RARB: variants seen among roughly 807,000 people sequenced by gnomAD.
The protein encoded by RARB is HBV-activated protein.
In RARB, 17 loss-of-function variants were observed where a neutral mutation model predicts 51.9. That is an observed-to-expected ratio of 0.33 (90% CI 0.22 to 0.49). The LOEUF (loss-of-function observed/expected upper bound fraction) is 0.49, where lower values mean the gene tolerates loss of function less well. RARB is among the 20% of genes least tolerant of loss of function. The pLI is 0.99. For missense variants in RARB, 369 were observed against 550.8 expected (o/e 0.67, Z 3.30); for synonymous variants, 215 against 195.4 (o/e 1.10, Z -0.84).
At chr3:25,139,181 T>G (rs1324013019) in intron 4 of RARB, among the ~76,000 whole-genome samples, 1 of 152,118 alleles carries the variant, frequency 6.6e-6, no homozygotes, top group Admixed American at 6.6e-5. Flanking sequence ...GGCTGATTAA[T>G]AACCCTACAA....
At chr3:25,236,908 A>AC (rs1702314391) in intron 5 of RARB, among the ~76,000 whole-genome samples, 1 of 134,792 alleles carries the variant, frequency 7.4e-6, no homozygotes, top group Non-Finnish European at 1.6e-5. Context: ...TTTATTTTAA[A>AC]CCCCGGAAAT....
intron 4 of RARB, among the ~76,000 whole-genome samples, chr3:25,571,598 A>G (rs1700714654): frequency 6.6e-6 from 1 of 152,196 alleles, no homozygotes; most frequent in Non-Finnish European, 1.5e-5. Flanking sequence ...ACTGTAAGGG[A>G]GCTTTCATTT....
intron 4 of RARB, among the ~76,000 whole-genome samples, chr3:25,136,018 C>T (rs1240875864): frequency 6.6e-6 from 1 of 151,974 alleles, no homozygotes; most frequent in Non-Finnish European, 1.5e-5. Context: ...AAGCAACATT[C>T]ACATGTTGAA....
intron 2 of RARB, among the ~76,000 whole-genome samples, chr3:24,995,182 T>A (rs1360694113): frequency 2.7e-5 from 4 of 147,300 alleles, no homozygotes; most frequent in Non-Finnish European, 5.9e-5. Flanking sequence ...TGTTTTGTAG[T>A]TTTTTAAGTA....
intron 5 of RARB, among the ~76,000 whole-genome samples, chr3:25,206,362 C>G (rs1701545962): frequency 1.3e-5 from 2 of 152,144 alleles, no homozygotes; most frequent in South Asian, 4.1e-4. Context: ...TGTTTTTACA[C>G]CTAAATTACT....
intron 1 of RARB, among the ~76,000 whole-genome samples, chr3:24,839,599 T>C (rs1413302459): frequency 2.7e-5 from 4 of 148,994 alleles, no homozygotes; most frequent in African/African-American, 9.9e-5. Flanking sequence ...TCCCAGCTAC[T>C]TGGGAGGCTG....
intron 3 of RARB, among the ~76,000 whole-genome samples, chr3:25,537,241 A>G (rs1176718707): frequency 6.6e-6 from 1 of 152,220 alleles, no homozygotes; most frequent in Non-Finnish European, 1.5e-5. Context: ...GCTGACAACA[A>G]GAAGCATCTG....
At chr3:25,261,823 T>C (rs892946269) in intron 5 of RARB, among the ~76,000 whole-genome samples, 2 of 152,172 alleles carry the variant, frequency 1.3e-5, no homozygotes, top group Non-Finnish European at 2.9e-5. Context: ...CCATCACTAA[T>C]GCCTGCTTGT....
At chr3:25,308,565 C>A (rs1270039211) in intron 5 of RARB, among the ~76,000 whole-genome samples, 1 of 151,534 alleles carries the variant, frequency 6.6e-6, no homozygotes, top group Non-Finnish European at 1.5e-5. Flanking sequence ...TCTCGTGCCT[C>A]AGCCTCCAGA....
intron 3 of RARB, among the ~76,000 whole-genome samples, chr3:25,060,620 A>G (rs1385367862): frequency 6.6e-6 from 1 of 151,874 alleles, no homozygotes; most frequent in Non-Finnish European, 1.5e-5. Flanking sequence ...TGTCCTGCAG[A>G]TTGTAGTTTG....
intron 2 of RARB, among the ~76,000 whole-genome samples, chr3:24,969,016 A>C (rs1329552342): frequency 6.6e-6 from 1 of 152,056 alleles, no homozygotes; most frequent in Non-Finnish European, 1.5e-5. Context: ...GACTTTCTAC[A>C]ATCAAGTTAC....
chr3:25,492,084 T>C (rs1212099290), intron 2 of RARB, among the ~76,000 whole-genome samples: 1 of 152,260 alleles, frequency 6.6e-6, no homozygotes, highest in Non-Finnish European at 1.5e-5. Flanking sequence ...CTCTTCACTT[T>C]TTGAAGACAG....
chr3:24,929,985 T>C (rs1695405392), intron 2 of RARB, among the ~76,000 whole-genome samples: 1 of 152,092 alleles, frequency 6.6e-6, no homozygotes, highest in African/African-American at 2.4e-5. Flanking sequence ...TGGTACAGAG[T>C]ATGATAGCTC....
At position 25,043,772 on chromosome 3, in the gene RARB, C is replaced by T. The variant is rs374550515; in HGVS notation, c.-379-16353C>T. On this transcript the variant is annotated intron_variant, in intron 2 of 11. Transcript: ENST00000383772. ...ATGCTCCCTAAGATGCCGAAGTCAC[C>T]GATAGTTCAGAAAAGGATAGAAAAC... Among the ~76,000 whole-genome samples the T allele has an allele frequency of 4.8e-4, 73 of 151,912 alleles. 1 individual carries two copies. The South Asian group carries it at 0.012, about 26-fold the overall frequency.
intron 2 of RARB, among the ~76,000 whole-genome samples, chr3:24,909,998 T>A (rs1337563164): frequency 3.9e-5 from 6 of 152,224 alleles, no homozygotes; most frequent in Non-Finnish European, 7.3e-5. Flanking sequence ...TGCTTTTAAT[T>A]GTTCTAGCCA....
At chr3:25,517,340 G>C (rs60579106) in intron 3 of RARB, among the ~76,000 whole-genome samples, 1 of 152,152 alleles carries the variant, frequency 6.6e-6, no homozygotes, top group Admixed American at 6.5e-5. Flanking sequence ...ATGGATTTGA[G>C]TAGACATTCC....
intron 2 of RARB, among the ~76,000 whole-genome samples, chr3:24,985,864 T>C (rs1696782853): frequency 6.6e-6 from 1 of 152,228 alleles, no homozygotes; most frequent in Admixed American, 6.5e-5. Context: ...CGCATGTCAG[T>C]ATCCTGCTGC....
chr3:25,049,356 A>G (rs1575136047), intron 2 of RARB, among the ~76,000 whole-genome samples: 1 of 152,352 alleles, frequency 6.6e-6, no homozygotes, highest in South Asian at 2.1e-4. Context: ...AGAATTGTCA[A>G]AAGTTTGCCA....
intron 5 of RARB, among the ~76,000 whole-genome samples, chr3:25,409,433 C>T (rs1415746597): frequency 3.3e-5 from 5 of 152,064 alleles, no homozygotes; most frequent in Admixed American, 6.5e-5. Context: ...ATGTTCAGAA[C>T]ACATTCATCA....
Sources: gnomAD v4.1 joint callset for allele counts (sites outside exome capture counted in the v4.1 genomes callset) on GRCh38, gnomAD v4.1.1 for gene constraint, MANE v1.5 for transcripts, NCBI Gene and HGNC (gene_info 2026-07-23, HGNC 2026-07-21) for gene names.